Variants in GLCE observed in about 807,000 individuals in gnomAD.
GLCE encodes the protein D-glucuronyl C5-epimerase.
A neutral mutation model predicts 47.9 loss-of-function variants in GLCE; 19 were observed. The observed-to-expected ratio is 0.40, with a 90% CI of 0.28 to 0.58. GLCE has a LOEUF of 0.58. Among genes scored for constraint, GLCE ranks in the 20% least tolerant of loss-of-function variants. The pLI is 0.48. For missense variants in GLCE, 556 were observed against 743.3 expected (o/e 0.75, Z 2.93); for synonymous variants, 245 against 263.4 (o/e 0.93, Z 0.68).
chr15:69,179,571 G>T (rs183866443), intron 1 of GLCE, among the ~76,000 whole-genome samples: 1 of 152,290 alleles, frequency 6.6e-6, no homozygotes, highest in Admixed American at 6.5e-5. Context: ...AGAAATCCCT[G>T]TGCCATCCCT....
At chr15:69,243,519 A>G (rs993192962) in intron 2 of GLCE, among the ~76,000 whole-genome samples, 3 of 151,132 alleles carry the variant, frequency 2.0e-5, no homozygotes, top group African/African-American at 7.3e-5. Flanking sequence ...GGATCACTTG[A>G]GCCCAGGAGT....
At chr15:69,173,455 C>A (rs1370096834) in intron 1 of GLCE, among the ~76,000 whole-genome samples, 2 of 152,178 alleles carry the variant, frequency 1.3e-5, no homozygotes, top group Admixed American at 1.3e-4. Context: ...TTAAGCATAT[C>A]TTTTGCATTG....
chr15:69,182,000 T>C (rs1389803288), intron 1 of GLCE, among the ~76,000 whole-genome samples: 1 of 151,708 alleles, frequency 6.6e-6, no homozygotes, highest in Admixed American at 6.6e-5. Context: ...CGTAGTTAGG[T>C]AGATGTGGTT....
intron 2 of GLCE, among the ~76,000 whole-genome samples, chr15:69,251,354 G>A (rs1439503474): frequency 6.6e-6 from 1 of 152,112 alleles, no homozygotes; most frequent in Non-Finnish European, 1.5e-5. Flanking sequence ...ATGACTATCT[G>A]ATCTTTTCAC....
At chr15:69,261,604 G>T (rs2053016443) in intron 4 of GLCE, among the ~76,000 whole-genome samples, 2 of 152,152 alleles carry the variant, frequency 1.3e-5, no homozygotes, top group Admixed American at 6.5e-5. Context: ...GCCTCCAGGG[G>T]TCTATATCTG....
chr15:69,202,225 T>G (rs1228375627), intron 1 of GLCE, among the ~76,000 whole-genome samples: 1 of 152,012 alleles, frequency 6.6e-6, no homozygotes, highest in Non-Finnish European at 1.5e-5. Flanking sequence ...CAGCCTTGCT[T>G]TCACCTCCTA....
chr15:69,223,349 T>G (rs143402120), intron 2 of GLCE, among the ~76,000 whole-genome samples: 2,535 of 152,240 alleles, frequency 0.017, 77 homozygotes, highest in African/African-American at 0.057. Context: ...TGACAGATTT[T>G]TTTGTTTGTT....
Position 69,190,057 on chromosome 15 carries a change from C to G in GLCE, c.-104-20259C>G, listed in dbSNP as rs76840163. 2.4e-4 allele frequency among the ~76,000 whole-genome samples: 36 copies of G among 152,120 alleles called. No individual in the cohort carries two copies. In the East Asian group the frequency reaches 6.4e-3, roughly 27 times the overall value. ...ATTTGAGACCTTCTTTTCTAACATT[C>G]AGAAGTATATTGTTTAGTTTCCAGA... On this transcript the variant is annotated intron_variant, in intron 1 of 4. Coordinates refer to ENST00000261858, the MANE Select transcript of GLCE (RefSeq NM_015554.3).
intron 2 of GLCE, among the ~76,000 whole-genome samples, chr15:69,251,336 A>ATTAGG (rs766348839): frequency 4.6e-5 from 7 of 152,152 alleles, no homozygotes; most frequent in Non-Finnish European, 7.4e-5. Flanking sequence ...TGACCACTGA[A>ATTAGG]TTAGGGTATG....
chr15:69,168,389 G>A (rs2051536393), intron 1 of GLCE, among the ~76,000 whole-genome samples: 3 of 152,176 alleles, frequency 2.0e-5, no homozygotes, highest in Admixed American at 2.0e-4. Context: ...TACAAAGTAG[G>A]TGCTCAAATT....
At chr15:69,266,106 T>C (rs2053081883) in intron 4 of GLCE, among the ~76,000 whole-genome samples, 1 of 152,206 alleles carries the variant, frequency 6.6e-6, no homozygotes, top group Admixed American at 6.5e-5. Flanking sequence ...CAATCAGTTT[T>C]TCTATTAAGT....
intron 1 of GLCE, among the ~76,000 whole-genome samples, chr15:69,188,029 A>T (rs780814931): frequency 6.6e-6 from 1 of 152,082 alleles, no homozygotes; most frequent in African/African-American, 2.4e-5. Context: ...GCCCCACTGC[A>T]CTCCAGCCTG....
At chr15:69,226,638 A>G (rs1227912205) in intron 2 of GLCE, among the ~76,000 whole-genome samples, 1 of 151,992 alleles carries the variant, frequency 6.6e-6, no homozygotes, top group African/African-American at 2.4e-5. Flanking sequence ...CATAGAAAGT[A>G]TAAGAATTTC....
At chr15:69,207,208 G>T (rs1040631422) in intron 1 of GLCE, among the ~76,000 whole-genome samples, 2 of 152,070 alleles carry the variant, frequency 1.3e-5, no homozygotes, top group African/African-American at 2.4e-5. Flanking sequence ...AGATTCATTT[G>T]TCATGGACTG....
At position 69,249,857 on chromosome 15, in the gene GLCE, G is replaced by T. The variant is rs543305572; in HGVS notation, c.-13-5937G>T. ...TTGAATTGCAAATCACTTTAGAATA[G>T]AACAATTTGCTTTCCAAAAAAAACC... On this transcript the variant is annotated intron_variant, in intron 2 of 4. Transcript: ENST00000261858. Among the ~76,000 whole-genome samples, 4 of 152,054 alleles carry T rather than the reference G, an allele frequency of 2.6e-5. No homozygotes were observed. In the East Asian group the frequency reaches 5.8e-4, roughly 22 times the overall value.
chr15:69,211,731 A>G (rs1472344150), intron 2 of GLCE, among the ~76,000 whole-genome samples: 1 of 152,014 alleles, frequency 6.6e-6, no homozygotes, highest in Non-Finnish European at 1.5e-5. Context: ...CACCAAAATT[A>G]GAAACAAATT....
intron 2 of GLCE, among the ~76,000 whole-genome samples, chr15:69,217,926 C>A (rs891186553): frequency 6.6e-6 from 1 of 151,796 alleles, no homozygotes; most frequent in Non-Finnish European, 1.5e-5. Flanking sequence ...GAGGCTGAGG[C>A]GGGCAGATCA....
chr15:69,176,691 G>A (rs1156277851), intron 1 of GLCE, among the ~76,000 whole-genome samples: 6 of 152,228 alleles, frequency 3.9e-5, no homozygotes, highest in South Asian at 2.1e-4. Context: ...TTATCTTCAC[G>A]ACATTCTATT....
intron 1 of GLCE, among the ~76,000 whole-genome samples, chr15:69,177,405 G>C (rs2051683821): frequency 6.6e-6 from 1 of 152,060 alleles, no homozygotes; most frequent in Non-Finnish European, 1.5e-5. Context: ...AGTTAAACAG[G>C]AGATATCACC....
Sources: gnomAD v4.1 joint callset for allele counts (sites outside exome capture counted in the v4.1 genomes callset) on GRCh38, gnomAD v4.1.1 for gene constraint, MANE v1.5 for transcripts, NCBI Gene and HGNC (gene_info 2026-07-23, HGNC 2026-07-21) for gene names.